Variants in EMP2 observed in about 807,000 individuals in gnomAD.
The protein encoded by EMP2 is epithelial membrane protein 2.
In EMP2, 19 loss-of-function variants were observed where a neutral mutation model predicts 13.7. That is an observed-to-expected ratio of 1.38 (90% CI 0.97 to 2.03). The LOEUF (loss-of-function observed/expected upper bound fraction) is 2.03. EMP2 is among the 30% of genes most tolerant of loss of function. The probability of loss-of-function intolerance (pLI) is 0.00; values close to 1 mark genes in which losing one functional copy is unlikely to be tolerated. For synonymous variants in EMP2, 97 were observed against 84.7 expected (o/e 1.15, Z -0.80); for missense variants, 253 against 220.7 (o/e 1.15, Z -0.93).
chr16:10,569,829 G>A (rs1271546064), intron 1 of EMP2, among the ~76,000 whole-genome samples: 1 of 152,198 alleles, frequency 6.6e-6, no homozygotes, highest in African/African-American at 2.4e-5. Flanking sequence ...CTCTGGTCTG[G>A]GAAGAATGTG....
intron 1 of EMP2, among the ~76,000 whole-genome samples, chr16:10,550,522 T>C (rs2050778707): frequency 6.6e-6 from 1 of 152,206 alleles, no homozygotes; most frequent in Admixed American, 6.5e-5. Flanking sequence ...CCAGATTATA[T>C]TTTTTAAGCA....
chr16:10,565,966 AAG>A (rs1567209454), intron 1 of EMP2, among the ~76,000 whole-genome samples: 1 of 152,172 alleles, frequency 6.6e-6, no homozygotes, highest in East Asian at 1.9e-4. Flanking sequence ...ACTCAACACA[AAG>A]AGAATCACGC....
intron 3 of EMP2, among the ~76,000 whole-genome samples, chr16:10,542,380 AGAGT>A (rs1175977784): frequency 2.0e-5 from 3 of 152,280 alleles, no homozygotes; most frequent in East Asian, 3.9e-4. Flanking sequence ...CCTGGGTGAC[AGAGT>A]GAGACCCTGT....
intron 1 of EMP2, 85 bp from the exon 2 acceptor site, chr16:10,547,762 G>A (rs563760116): frequency 1.2e-4 from 94 of 770,862 alleles, no homozygotes; most frequent in African/African-American, 1.1e-3. Flanking sequence ...TTAGCTGGGC[G>A]TGGTGGCTCA....
intron 1 of EMP2, among the ~76,000 whole-genome samples, chr16:10,555,456 G>T (rs943704530): frequency 1.3e-5 from 2 of 152,146 alleles, no homozygotes; most frequent in Non-Finnish European, 2.9e-5. Context: ...ATGATTTGCA[G>T]AACTTCTCTT....
chr16:10,572,940 A>G (rs1285480472), intron 1 of EMP2, among the ~76,000 whole-genome samples: 2 of 152,260 alleles, frequency 1.3e-5, no homozygotes, highest in Non-Finnish European at 2.9e-5. Context: ...ACAAATGTCC[A>G]CTATAAGACA....
intron 1 of EMP2, among the ~76,000 whole-genome samples, chr16:10,570,728 A>G (rs924254007): frequency 5.9e-5 from 9 of 151,868 alleles, no homozygotes; most frequent in African/African-American, 2.2e-4. Flanking sequence ...TTTTGTAGAG[A>G]TGGGGTCTCA....
chr16:10,541,138 A>C (rs2050694663), intron 3 of EMP2, among the ~76,000 whole-genome samples: 1 of 151,972 alleles, frequency 6.6e-6, no homozygotes. Flanking sequence ...GCAGAGGCTC[A>C]TGCCTAAAAA....
chr16:10,577,232 C>T (rs1596384576), intron 1 of EMP2, among the ~76,000 whole-genome samples: 1 of 152,148 alleles, frequency 6.6e-6, no homozygotes, highest in South Asian at 2.1e-4. Context: ...CAATCTTAGC[C>T]CAGGGCTGTC....
intron 4 of EMP2, among the ~76,000 whole-genome samples, chr16:10,535,099 T>C (rs1045286119): frequency 1.3e-5 from 2 of 152,168 alleles, no homozygotes; most frequent in African/African-American, 4.8e-5. Flanking sequence ...GCTTTTCCTT[T>C]GATTCTTGCA....
intron 1 of EMP2, among the ~76,000 whole-genome samples, chr16:10,574,088 C>T (rs147203502): frequency 6.6e-6 from 1 of 151,996 alleles, no homozygotes; most frequent in Non-Finnish European, 1.5e-5. Flanking sequence ...CAGGTGCACA[C>T]CACCAAGCCC....
chr16:10,541,908 C>T (rs187334380), intron 3 of EMP2, among the ~76,000 whole-genome samples: 2 of 152,250 alleles, frequency 1.3e-5, no homozygotes, highest in East Asian at 1.9e-4. Flanking sequence ...TAGACCCATG[C>T]CTCACAGTAA....
chr16:10,540,177 A>G (rs1056440303), intron 3 of EMP2, among the ~76,000 whole-genome samples: 1 of 152,126 alleles, frequency 6.6e-6, no homozygotes, highest in African/African-American at 2.4e-5. Context: ...ACACAAATTC[A>G]CGGAATGAGA....
chr16:10,542,664 T>C (rs2050709140), intron 3 of EMP2, among the ~76,000 whole-genome samples: 1 of 152,064 alleles, frequency 6.6e-6, no homozygotes. Flanking sequence ...TGAAAAACAG[T>C]GGTTAGCATG....
intron 1 of EMP2, among the ~76,000 whole-genome samples, chr16:10,574,911 G>T (rs1055951876): frequency 6.6e-6 from 1 of 151,880 alleles, no homozygotes; most frequent in Non-Finnish European, 1.5e-5. Context: ...GCTGGAGTAC[G>T]TGGAACAATC....
intron 1 of EMP2, among the ~76,000 whole-genome samples, chr16:10,550,772 C>G (rs1246386904): frequency 6.6e-6 from 1 of 152,062 alleles, no homozygotes; most frequent in Non-Finnish European, 1.5e-5. Context: ...GTCTGGAGTT[C>G]GAGACCAGCC....
intron 1 of EMP2, among the ~76,000 whole-genome samples, chr16:10,565,902 T>A (rs1022682407): frequency 2.0e-5 from 3 of 152,226 alleles, no homozygotes. Flanking sequence ...GGAGTGCTTC[T>A]GATGATATTG....
At chr16:10,544,514 G>GCTA (rs2050725012) in intron 2 of EMP2, 1 of 152,352 alleles carries the variant, frequency 6.6e-6, no homozygotes, top group Non-Finnish European at 1.5e-5. Flanking sequence ...TCCAGGTGAT[G>GCTA]CCCTGCTACT....
intron 1 of EMP2, among the ~76,000 whole-genome samples, chr16:10,564,439 T>A (rs2050893366): frequency 7.2e-6 from 1 of 139,140 alleles, no homozygotes; most frequent in Admixed American, 8.0e-5. Flanking sequence ...TGCAGTGAGC[T>A]GAGATTGCGC....
Sources: allele counts gnomAD v4.1 joint callset (sites outside exome capture counted in the v4.1 genomes callset), GRCh38; gene constraint gnomAD v4.1.1; transcripts MANE v1.5; gene names NCBI Gene and HGNC (gene_info 2026-07-23, HGNC 2026-07-21).